The following PHACTR2 variants were observed in gnomAD, a reference collection of about 807,000 sequenced individuals.
PHACTR2 encodes the protein phosphatase and actin regulator 2.
In PHACTR2, 30 loss-of-function variants were observed where a neutral mutation model predicts 76.0. The ratio of observed to expected loss-of-function variants is 0.39; its 90% CI spans 0.30 to 0.54. PHACTR2 has a LOEUF of 0.54. PHACTR2 is among the 20% of genes least tolerant of loss of function. The pLI, the probability that PHACTR2 is intolerant of heterozygous loss-of-function variation, is 0.61. For synonymous variants in PHACTR2, 292 were observed against 292.5 expected (o/e 1.00, Z 0.02); for missense variants, 696 against 781.1 (o/e 0.89, Z 1.30).
rs546362380 is a variant in PHACTR2 at position 143,749,009 on chromosome 6, G to C, written c.239G>C (p.Arg80Pro). 1 of 1,583,390 alleles carries C rather than the reference G, an allele frequency of 6.3e-7. No individual in the cohort carries two copies. Among genetic ancestry groups the C allele is most frequent in the Non-Finnish European group, 8.7e-7 (1 of 1,152,556 alleles). The change falls in exon 3 of 13, where the codon CGA (arginine) becomes CCA (proline). Residue 80 changes from arginine (R) to proline (P), a missense_variant. Arg to Pro is a moderately radical substitution (Grantham distance 103, BLOSUM62 -2). Coordinates refer to ENST00000440869, the MANE Select transcript of PHACTR2 (RefSeq NM_001100164.2). ...GTATTAGAAAGGAAGATATCCACAC[G>C]ACAAAGTAGAGAGGAGCTGATAAGA... ...SAVLERKIST[R>P]QSREELIRRG...
chr6:143,647,011 A>G lies in PHACTR2; in HGVS notation c.13+38689A>G, dbSNP rs777715762. Among the ~76,000 whole-genome samples the G allele has an allele frequency of 1.3e-5, 2 of 152,222 alleles. No individual in the cohort carries two copies. Among genetic ancestry groups the G allele is most frequent in the African/African-American group, 2.4e-5 (1 of 41,464 alleles). ...TAAAATGTATTTTTAGCAAGGCTCT[A>G]AAGATTAAGTCTTCACCTTGCTGTC... On this transcript the variant is annotated intron_variant, in intron 1 of 11. Transcript: ENST00000305766. The surrounding 1 kb of genome is among the most constrained non-coding windows in gnomAD (Gnocchi z 4.2).
In PHACTR2 at chr6:143,827,115, C is replaced by T. The variant is rs536764009; in HGVS notation, c.*3426C>T. ...AGTCAAAAAAGGTCCAGTTTTACAGCCTGCAATTAATTCAGGGCTGCGTTG... is the reference window on the plus strand; with the variant it reads ...AGTCAAAAAAGGTCCAGTTTTACAGTCTGCAATTAATTCAGGGCTGCGTTG... On this transcript the variant is annotated 3_prime_UTR_variant, in exon 13 of 13. Transcript: ENST00000440869. 7.5e-6 allele frequency: 1 copy of T among 133,148 alleles called. No individual in the cohort carries two copies. Among genetic ancestry groups the T allele is most frequent in the African/African-American group, 2.8e-5 (1 of 35,696 alleles). The allele number at this position is 133,148 out of a possible 1,614,324, so 8.2% of individuals were successfully genotyped here.
chr6:143,757,987 ACATAACT>A lies in PHACTR2; in HGVS notation c.455-2413_455-2407del, dbSNP rs879719986. Among the ~76,000 whole-genome samples, 1,053 of 143,138 alleles carry A rather than the reference ACATAACT, an allele frequency of 7.4e-3. 15 individuals are homozygous for A. Among genetic ancestry groups the A allele is most frequent in the African/African-American group, 0.03 (997 of 33,052 alleles). The allele number at this position is 143,138 out of a possible 152,430, so 93.9% of individuals were successfully genotyped here. On this transcript the variant is annotated intron_variant, in intron 4 of 12. Transcript: ENST00000440869. This position sits in a 1 kb window ranked among gnomAD's most constrained non-coding sequence, Gnocchi z 4.2. The stretch of plus-strand genomic sequence containing the variant: ...CGCACACACACACACACACACACAC[ACATAACT>A]TAAGAATTACCAGAATGACAAATGT...
chr6:143,708,876 T>C lies in PHACTR2; in HGVS notation c.47-3140T>C, dbSNP rs1185417376. ...AGCATCAGGGAACTGGATATGTGGA[T>C]TGGGAGAGAAAGATCCCATGTATTG... is the stretch of plus-strand genomic sequence containing the variant. On this transcript the variant is annotated intron_variant, in intron 1 of 12. Coordinates refer to ENST00000440869, the MANE Select transcript of PHACTR2 (RefSeq NM_001100164.2). The surrounding 1 kb of genome is among the most constrained non-coding windows in gnomAD (Gnocchi z 5.5). 6.6e-6 allele frequency among the ~76,000 whole-genome samples: 1 copy of C among 152,242 alleles called. No individual in the cohort carries two copies. The highest frequency in any genetic ancestry group is 2.4e-5 in the African/African-American group (1 of 41,458).
intron 1 of PHACTR2, among the ~76,000 whole-genome samples, chr6:143,702,195 C>T (rs1188983555): frequency 6.7e-6 from 1 of 149,656 alleles, no homozygotes; most frequent in Non-Finnish European, 1.5e-5. Flanking sequence ...GCAACCTCCG[C>T]CTTCCTGGTT....
chr6:143,665,609 T>C (rs760433649), intron 1 of PHACTR2, among the ~76,000 whole-genome samples: 2 of 152,232 alleles, frequency 1.3e-5, no homozygotes, highest in Non-Finnish European at 2.9e-5. Flanking sequence ...ATAGGGAATA[T>C]TGGTTCTGTT....
At chr6:143,788,365 A>C (rs1175653273) in intron 10 of PHACTR2, among the ~76,000 whole-genome samples, 1 of 152,186 alleles carries the variant, frequency 6.6e-6, no homozygotes, top group Admixed American at 6.5e-5. Context: ...ACAGGTTTTT[A>C]TTCCCATTTC....
chr6:143,675,611 A>G (rs1777232732), upstream of PHACTR2, among the ~76,000 whole-genome samples: 1 of 152,216 alleles, frequency 6.6e-6, no homozygotes, highest in South Asian at 2.1e-4. This position sits in a 1 kb window ranked among gnomAD's most constrained non-coding sequence, Gnocchi z 4.9. Flanking sequence ...TGGTTTAGAA[A>G]TAGAGAACAA....
At position 143,748,069 on chromosome 6, in the gene PHACTR2, AT is replaced by A. The variant is rs558150591; in HGVS notation, c.215-905del. ...ATGTCTGTGAAAACTGATTATTATT[AT>A]TTTTTTTTTTCTGAGATGGAGTTTC... On this transcript the variant is annotated intron_variant, in intron 2 of 12. Transcript: ENST00000440869. Among the ~76,000 whole-genome samples, 125 of 149,046 alleles carry A rather than the reference AT, an allele frequency of 8.4e-4. 2 individuals carry two copies. Among genetic ancestry groups the A allele is most frequent in the Non-Finnish European group, 3.6e-4 (24 of 67,006 alleles).
chr6:143,655,598 C>T (rs891858920), intron 1 of PHACTR2, among the ~76,000 whole-genome samples: 1 of 152,158 alleles, frequency 6.6e-6, no homozygotes, highest in Non-Finnish European at 1.5e-5. Flanking sequence ...CACTTGCTTT[C>T]TCAGATGTTT....
rs148150061 is a variant in PHACTR2 at position 143,679,845 on chromosome 6, T to G, written c.46+1636T>G. Among the ~76,000 whole-genome samples, 19 of 152,280 alleles carry G rather than the reference T, an allele frequency of 1.2e-4. No homozygotes were observed. Among genetic ancestry groups the G allele is most frequent in the Non-Finnish European group, 2.4e-4 (16 of 68,008 alleles). On this transcript the variant is annotated intron_variant, in intron 1 of 12. Transcript: ENST00000440869. This position sits in a 1 kb window ranked among gnomAD's most constrained non-coding sequence, Gnocchi z 4.6. ...AACTGTAATCTACTTAAGTAAAAAG[T>G]GTTTTAAACAAAAATTTATGCTTGA... is the stretch of plus-strand genomic sequence containing the variant.
chr6:143,568,359 A>G (rs1775392806), intron 1 of PHACTR2, among the ~76,000 whole-genome samples: 1 of 152,218 alleles, frequency 6.6e-6, no homozygotes, highest in Non-Finnish European at 1.5e-5. Flanking sequence ...TTAATATTCA[A>G]AAATAAGGTG....
At chr6:143,631,063 A>G (rs1582717670) in intron 1 of PHACTR2, among the ~76,000 whole-genome samples, 1 of 152,358 alleles carries the variant, frequency 6.6e-6, no homozygotes, top group East Asian at 1.9e-4. Flanking sequence ...TAAATACTTA[A>G]CACAAACACT....
At position 143,765,203 on chromosome 6, in the gene PHACTR2, T is replaced by G; in HGVS notation, c.695-58T>G. 1 of 1,385,786 alleles carries G rather than the reference T, an allele frequency of 7.2e-7. No homozygotes were observed. Among genetic ancestry groups the G allele is most frequent in the Admixed American group, 2.2e-5 (1 of 46,440 alleles). The allele number at this position is 1,385,786 out of a possible 1,614,324, so 85.8% of individuals were successfully genotyped here. ...TTGTTGACAGTTACACCTTGGTTAC[T>G]TTATTTTAAAAAGCATTGTATTCTT... On this transcript the variant is annotated intron_variant, in intron 5 of 12. Transcript: ENST00000440869. This position sits in a 1 kb window ranked among gnomAD's most constrained non-coding sequence, Gnocchi z 4.1.
Position 143,765,678 on chromosome 6 carries a change from G to T in PHACTR2, c.1112G>T (p.Gly371Val), listed in dbSNP as rs1246693255. 3 of 1,614,008 alleles carry T rather than the reference G, an allele frequency of 1.9e-6. No individual in the cohort carries two copies. Among genetic ancestry groups the T allele is most frequent in the Non-Finnish European group, 2.5e-6 (3 of 1,179,892 alleles). Residue 371 changes from glycine (G) to valine (V), a missense_variant, in exon 6 of 13, where the codon GGA becomes GTA. Gly to Val is a moderately radical substitution (Grantham distance 109, BLOSUM62 -3). This residue lies in a region of PHACTR2 where 460 missense variants were observed against 450.9 expected (regional missense o/e 1.02). Transcript: ENST00000440869. The surrounding 1 kb of genome is among the most constrained non-coding windows in gnomAD (Gnocchi z 4.1). ...ACTCCAGTTGTCCTCGTCAGCGTTGGAGCTGACCTGCCCGTCTCTGCCTTA... is the reference window on the plus strand; with the variant it reads ...ACTCCAGTTGTCCTCGTCAGCGTTGTAGCTGACCTGCCCGTCTCTGCCTTA... ...SDTPVVLVSV[G>V]ADLPVSALDP...
chr6:143,753,846 G>A lies in PHACTR2; in HGVS notation c.388G>A (p.Glu130Lys), dbSNP rs751328298. Reference protein sequence around the residue: ...STREENVVKSEEGNGSVSEKT... With the variant: ...STREENVVKSKEGNGSVSEKT... The stretch of plus-strand genomic sequence containing the variant: ...CCGAGAGGAAAATGTAGTAAAGTCT[G>A]AAGAAGGTAATGGCTCTGTATCTGA... Residue 130 changes from glutamate (E) to lysine (K), a missense_variant, in exon 4 of 13, where the codon GAA becomes AAA. Transcript: ENST00000440869. The surrounding 1 kb of genome is among the most constrained non-coding windows in gnomAD (Gnocchi z 4.6). The A allele has an allele frequency of 4.3e-6, 7 of 1,613,276 alleles. No homozygotes were observed. The highest frequency in any genetic ancestry group is 5.1e-6 in the Non-Finnish European group (6 of 1,179,416).
intron 2 of PHACTR2, among the ~76,000 whole-genome samples, chr6:143,728,713 G>A (rs911556818): frequency 2.6e-5 from 4 of 152,080 alleles, no homozygotes; most frequent in African/African-American, 9.7e-5. Context: ...TTTGATAAAG[G>A]TGCCAAGAAT....
At chr6:143,701,398 A>G (rs1343866335) in intron 1 of PHACTR2, among the ~76,000 whole-genome samples, 1 of 152,244 alleles carries the variant, frequency 6.6e-6, no homozygotes, top group Non-Finnish European at 1.5e-5. Context: ...TTTAGTCAGT[A>G]TAAAGTATAG....
At chr6:143,812,157 A>G (rs1016413009) in intron 12 of PHACTR2, among the ~76,000 whole-genome samples, 3 of 152,188 alleles carry the variant, frequency 2.0e-5, no homozygotes, top group South Asian at 2.1e-4. Context: ...GTACTGGTGT[A>G]CAATGGAAGG....
Sources: allele counts gnomAD v4.1 joint callset (sites outside exome capture counted in the v4.1 genomes callset), GRCh38; gene constraint gnomAD v4.1.1; regional missense constraint gnomAD v4.1.1; non-coding constraint Gnocchi (gnomAD v3.1); transcripts MANE v1.5; gene names NCBI Gene and HGNC (gene_info 2026-07-23, HGNC 2026-07-21).